The following PAPLN variants were observed in gnomAD, a reference collection of about 807,000 sequenced individuals.
The protein encoded by PAPLN is papilin, proteoglycan like sulfated glycoprotein, also known as papilin.
Under a neutral mutation model 159.0 loss-of-function variants are expected in PAPLN, and 146 were observed. The ratio of observed to expected loss-of-function variants is 0.92; its 90% CI spans 0.80 to 1.05. The LOEUF (loss-of-function observed/expected upper bound fraction) is 1.05. Among genes scored for constraint, PAPLN ranks in the 50% least tolerant of loss-of-function variants. The pLI, the probability that PAPLN is intolerant of heterozygous loss-of-function variation, is 0.00. For synonymous variants in PAPLN, 734 were observed against 702.9 expected, an observed-to-expected ratio of 1.04 and a Z score of -0.70; for missense variants, 1,720 against 1,743.9, an observed-to-expected ratio of 0.99 and a Z score of 0.24.
intron 14 of PAPLN, among the ~76,000 whole-genome samples, chr14:73,258,040 C>G (rs572265917): frequency 6.6e-6 from 1 of 152,152 alleles, no homozygotes; most frequent in African/African-American, 2.4e-5. Context: ...GCTGGGATTG[C>G]GGGCGGGAGC....
At chr14:73,254,423 C>G in intron 12 of PAPLN, 90 bp from the exon 13 acceptor site, 1 of 1,515,912 alleles carries the variant, frequency 6.6e-7, no homozygotes, top group Non-Finnish European at 9.0e-7. Flanking sequence ...CTATCTGCCT[C>G]CACACCAGGC....
At chr14:73,246,022 C>T (rs575511074) in intron 4 of PAPLN, 51 bp from the exon 5 acceptor site, 6 of 1,461,258 alleles carry the variant, frequency 4.1e-6, no homozygotes, top group South Asian at 2.6e-5. Context: ...GGGAGGTGGG[C>T]GGACCTCGGA....
rs750834738 is a variant in PAPLN, at chr14:73,262,768, C to T, written c.2664C>T (p.Ala888=). 7 of 1,509,134 alleles carry T rather than the reference C, an allele frequency of 4.6e-6. No individual in the cohort carries two copies. In the East Asian group the frequency reaches 1.4e-4, roughly 30 times the overall value. The allele number at this position is 1,509,134 out of a possible 1,614,324, so 93.5% of individuals were successfully genotyped here. A position where few individuals can be genotyped will look rare whatever the true frequency, so the allele number is the denominator to read the frequency against. Residue 888 remains alanine, a synonymous_variant, in exon 19 of 27, where the codon GCC becomes GCT. Transcript: ENST00000644200. ...GGGGGCAGGAGCTTGGGTCCAGGGCCCCTGGACTGGGTGGAGATGCCGGAT... is the reference window on the plus strand; with the variant it reads ...GGGGGCAGGAGCTTGGGTCCAGGGCTCCTGGACTGGGTGGAGATGCCGGAT... ...WPWGQELGSR[A]PGLGGDAGSP... is the part of the protein sequence containing the mutation.
chr14:73,255,986 C>G (rs1012002165), intron 14 of PAPLN, among the ~76,000 whole-genome samples: 1 of 152,162 alleles, frequency 6.6e-6, no homozygotes, highest in Non-Finnish European at 1.5e-5. Flanking sequence ...AACGCCTGAC[C>G]GCATGGGGTG....
intron 1 of PAPLN, among the ~76,000 whole-genome samples, chr14:73,238,736 T>A (rs3742826): frequency 0.12 from 18,965 of 152,302 alleles, 1,498 homozygotes; most frequent in South Asian, 0.21. Context: ...AATGACTCAC[T>A]GTGCCAAATT....
At chr14:73,257,742 G>T (rs544785925) in intron 14 of PAPLN, among the ~76,000 whole-genome samples, 3 of 131,962 alleles carry the variant, frequency 2.3e-5, no homozygotes, top group Non-Finnish European at 3.2e-5. Flanking sequence ...TCATTATCTA[G>T]TCTCTTTCTT....
rs759782507 is a variant in PAPLN at position 73,268,613 on chromosome 14, C to CGCTG, written c.3558_3561dup (p.Leu1188AlafsTer11). The CGCTG allele has an allele frequency of 6.2e-7, 1 of 1,613,964 alleles. No homozygotes were observed. Among genetic ancestry groups the CGCTG allele is most frequent in the Non-Finnish European group, 8.5e-7 (1 of 1,179,944 alleles). ...CGTGTCCACCAGTCCCCAGATGGCA[C>CGCTG]GCTGCTCATTTACAACTTGCGGGCC... On this transcript the variant is annotated frameshift_variant, in exon 26 of 27. Coordinates refer to ENST00000644200, the MANE Select transcript of PAPLN (RefSeq NM_001365906.3). LOFTEE classifies it high-confidence loss of function.
Position 73,263,764 on chromosome 14 carries a change from A to C in PAPLN, c.2843A>C (p.Gln948Pro), listed in dbSNP as rs1277238782. 2 of 1,604,928 alleles carry C rather than the reference A, an allele frequency of 1.2e-6. No homozygotes were observed. Among genetic ancestry groups the C allele is most frequent in the Admixed American group, 3.3e-5 (2 of 59,992 alleles). Residue 948 changes from glutamine (Q) to proline (P), a missense_variant, in exon 20 of 27, where the codon CAG (glutamine) becomes CCG (proline). Physicochemically the swap from Gln to Pro is moderately conservative, Grantham distance 76 (BLOSUM62 -1). Transcript: ENST00000644200. Reference protein sequence around the residue: ...ESQAAWQKDGQPISSDRHRLQ... With the variant: ...ESQAAWQKDGPPISSDRHRLQ... ...CAGGCTGCCTGGCAGAAAGATGGCC[A>C]GCCCATCTCCTCTGACAGGTGGGTG...
Position 73,252,661 on chromosome 14 carries a change from G to T in PAPLN, c.980G>T (p.Arg327Leu), listed in dbSNP as rs779849505. ...GGCCTCTGCGCAGGTCACCAGTCCC[G>T]CCTGGTGTTCTGCACCATCGACCAT... ...SAECGGGHQS[R>L]LVFCTIDHEA... is the part of the protein sequence containing the mutation. The change falls in exon 11 of 27, where the codon CGC becomes CTC. Residue 327 changes from arginine (R) to leucine (L), a missense_variant. Transcript: ENST00000644200. The T allele has an allele frequency of 6.2e-7, 1 of 1,612,900 alleles. No homozygotes were observed.
chr14:73,273,556 C>G lies in PAPLN; in HGVS notation c.*892C>G, dbSNP rs1010355261. On this transcript the variant is annotated 3_prime_UTR_variant, in exon 27 of 27. Coordinates refer to ENST00000644200, the MANE Select transcript of PAPLN (RefSeq NM_001365906.3). ...CCGCCCGCCTCGGCCTCCCAAAATG[C>G]TGGGATTAGAGGTGTGAGCCACTGT... 2 of 152,246 alleles carry G rather than the reference C, an allele frequency of 1.3e-5. No individual in the cohort carries two copies. Among genetic ancestry groups the G allele is most frequent in the Non-Finnish European group, 2.9e-5 (2 of 68,086 alleles). The allele number at this position is 152,246 out of a possible 1,614,324, so 9.4% of individuals were successfully genotyped here.
At chr14:73,239,389 A>G (rs1465511457) in intron 1 of PAPLN, among the ~76,000 whole-genome samples, 4 of 152,270 alleles carry the variant, frequency 2.6e-5, no homozygotes, top group African/African-American at 9.6e-5. Context: ...GTTTTTAAAC[A>G]TCTGATGTAA....
chr14:73,238,799 C>T (rs1030404780), intron 1 of PAPLN, among the ~76,000 whole-genome samples: 7 of 152,238 alleles, frequency 4.6e-5, no homozygotes, highest in Non-Finnish European at 8.8e-5. Context: ...CTGAGCTTGG[C>T]TTCTGTATGC....
intron 14 of PAPLN, among the ~76,000 whole-genome samples, chr14:73,256,949 T>G (rs1454160216): frequency 6.6e-6 from 1 of 152,152 alleles, no homozygotes; most frequent in East Asian, 1.9e-4. Flanking sequence ...TGGCAAGATG[T>G]AGTCCATGTG....
At position 73,250,912 on chromosome 14, in the gene PAPLN, C is replaced by G; in HGVS notation, c.471C>G (p.Val157=). 1 of 1,611,848 alleles carries G rather than the reference C, an allele frequency of 6.2e-7. No individual in the cohort carries two copies. Among genetic ancestry groups the G allele is most frequent in the Non-Finnish European group, 8.5e-7 (1 of 1,179,110 alleles). ...TCCCGCATCTCTGCCCACAGGTTGT[C>G]GGCTGTGATCACGAGCTGGACTCGT... ...DVCVDGSCRV[V]GCDHELDSSK... is the part of the protein sequence containing the mutation. Residue 157 remains valine (V), a synonymous_variant, in exon 7 of 27, where the codon GTC becomes GTG. Coordinates refer to ENST00000644200, the MANE Select transcript of PAPLN (RefSeq NM_001365906.3).
Position 73,246,084 on chromosome 14 carries a change from C to T in PAPLN, c.243C>T (p.Asp81=), listed in dbSNP as rs555169475. 6 of 1,561,558 alleles carry T rather than the reference C, an allele frequency of 3.8e-6. No homozygotes were observed. The African/African-American group carries it at 5.6e-5, about 15-fold the overall frequency. Residue 81 remains aspartate, a synonymous_variant, in exon 5 of 27, where the codon GAC becomes GAT. Transcript: ENST00000644200. The part of the protein sequence containing the change: ...HRSCRTESCP[D]GARDFRAEQC... Reference sequence around the variant, plus strand: ...CCTCCGCCCCGCAGAGCTGCCCCGACGGCGCCCGGGACTTCCGGGCCGAGC... The same window carrying T: ...CCTCCGCCCCGCAGAGCTGCCCCGATGGCGCCCGGGACTTCCGGGCCGAGC...
chr14:73,256,838 G>A (rs960417909), intron 14 of PAPLN, among the ~76,000 whole-genome samples: 10 of 151,904 alleles, frequency 6.6e-5, no homozygotes, highest in African/African-American at 1.5e-4. Context: ...AGCTGAGATC[G>A]CAACCCTGTA....
chr14:73,249,833 TCTC>T (rs1282723895), intron 5 of PAPLN, 148 bp from the exon 6 acceptor site: 3 of 776,744 alleles, frequency 3.9e-6, no homozygotes, highest in African/African-American at 3.6e-5. Flanking sequence ...GACGGTCCCT[TCTC>T]CTGGGGATGG....
At position 73,264,661 on chromosome 14, in the gene PAPLN, T is replaced by C. The variant is rs752231008; in HGVS notation, c.3060T>C (p.Phe1020=). The C allele has an allele frequency of 6.2e-7, 1 of 1,609,102 alleles. No homozygotes were observed. The highest frequency in any genetic ancestry group is 2.2e-5 in the East Asian group (1 of 44,826). Residue 1020 remains phenylalanine, a synonymous_variant, in exon 22 of 27, where the codon TTT becomes TTC. Coordinates refer to ENST00000644200, the MANE Select transcript of PAPLN (RefSeq NM_001365906.3). ...FPQPRDPAQD[F]GQAGAAGPLG... ...AGCCCAGGGACCCAGCTCAGGACTT[T>C]GGCCAAGCGGGGGCTGCTGGGCCCC...
At chr14:73,261,317 CCTT>C in intron 18 of PAPLN, 23 bp downstream of exon 18, 14 of 1,610,474 alleles carry the variant, frequency 8.7e-6, no homozygotes, top group Non-Finnish European at 1.0e-5. Context: ...CCCCTCTCCT[CCTT>C]CTCGATGGGT....
Sources: gnomAD v4.1 joint callset for allele counts (sites outside exome capture counted in the v4.1 genomes callset) on GRCh38, gnomAD v4.1.1 for gene constraint, MANE v1.5 for transcripts, NCBI Gene and HGNC (gene_info 2026-07-23, HGNC 2026-07-21) for gene names.